Variants in GLG1 observed in about 807,000 individuals in gnomAD.
GLG1 encodes Golgi apparatus protein 1.
GLG1 carries 38 observed loss-of-function variants against 160.5 expected under a neutral mutation model. The ratio of observed to expected loss-of-function variants is 0.24; its 90% CI spans 0.18 to 0.31. The LOEUF is 0.31. GLG1 is among the 10% of genes least tolerant of loss of function. GLG1 has a pLI of 1.00. For synonymous variants in GLG1, 644 were observed against 543.4 expected (o/e 1.19, Z -2.57); for missense variants, 1,373 against 1,505.2 (o/e 0.91, Z 1.45).
At chr16:74,461,809 C>G (rs1196623850) in intron 22 of GLG1, 8 of 259,662 alleles carry the variant, frequency 3.1e-5, no homozygotes, top group Admixed American at 5.3e-5. Flanking sequence ...TTGGGTTTAC[C>G]ATCCAGAATA....
At chr16:74,505,315 A>C (rs939175330) in intron 3 of GLG1, among the ~76,000 whole-genome samples, 18 of 152,230 alleles carry the variant, frequency 1.2e-4, no homozygotes, top group African/African-American at 4.1e-4. Context: ...CAAACTTGGG[A>C]ATTTAGTAAA....
chr16:74,518,087 G>T (rs890517155), intron 2 of GLG1, among the ~76,000 whole-genome samples: 2 of 151,980 alleles, frequency 1.3e-5, no homozygotes, highest in African/African-American at 4.8e-5. Context: ...CATGCTCGTG[G>T]ATAGAAGAAT....
chr16:74,509,557 TA>T (rs554751400), intron 2 of GLG1, among the ~76,000 whole-genome samples: 2 of 151,262 alleles, frequency 1.3e-5, no homozygotes, highest in East Asian at 1.9e-4. Context: ...TTCATTCATT[TA>T]AAAAAAAATT....
chr16:74,485,899 C>G lies in GLG1; in HGVS notation c.1468G>C (p.Glu490Gln). 6.2e-7 allele frequency: 1 copy of G among 1,611,234 alleles called. No homozygotes were observed. The highest frequency in any genetic ancestry group is 1.3e-5 in the African/African-American group (1 of 74,916). The change falls in exon 9 of 26, where the codon GAG becomes CAG. Residue 490 changes from glutamate (E) to glutamine (Q), a missense_variant. Transcript: ENST00000422840. ...CGGTAATCTGCACCAGGGTCAGTCTCCTGAATCAGTGTTTGAAGCTGAATT... is the reference window on the plus strand; with the variant it reads ...CGGTAATCTGCACCAGGGTCAGTCTGCTGAATCAGTGTTTGAAGCTGAATT... Reference protein sequence around the residue: ...CQQALQTLIQETDPGADYRID... With the variant: ...CQQALQTLIQQTDPGADYRID...
chr16:74,579,590 C>T (rs1017323595), intron 1 of GLG1, among the ~76,000 whole-genome samples: 2 of 151,932 alleles, frequency 1.3e-5, no homozygotes, highest in African/African-American at 4.8e-5. Context: ...GGTGTAGTGG[C>T]ACACACCTGT....
chr16:74,490,648 G>T (rs2015948868), intron 8 of GLG1, among the ~76,000 whole-genome samples: 1 of 152,138 alleles, frequency 6.6e-6, no homozygotes, highest in Non-Finnish European at 1.5e-5. Flanking sequence ...ATTCTCTCTT[G>T]GTAGAGGGCC....
intron 1 of GLG1, among the ~76,000 whole-genome samples, chr16:74,565,123 G>C (rs1300154392): frequency 2.6e-5 from 4 of 152,128 alleles, no homozygotes; most frequent in African/African-American, 9.7e-5. Flanking sequence ...CAAATCACTG[G>C]ATGTCAGGAG....
chr16:74,526,701 G>A (rs2017345809), intron 2 of GLG1, among the ~76,000 whole-genome samples: 1 of 152,192 alleles, frequency 6.6e-6, no homozygotes, highest in Admixed American at 6.5e-5. Context: ...TCCAGCCTGC[G>A]TGACAGACCA....
Position 74,606,855 on chromosome 16 carries a change from TTGCTGCTGC to T in GLG1, c.231_239del (p.Gln82_Gln84del). ...GCGGCGGCTGAGGCTGCTGTTGCTG[TTGCTGCTGC>T]TGCTGTTGCTGCTGAAGCTGCGATG... On this transcript the variant is annotated inframe_deletion, in exon 1 of 26. Coordinates refer to ENST00000422840, the MANE Select transcript of GLG1 (RefSeq NM_001145667.2). The T allele has an allele frequency of 6.3e-7, 1 of 1,597,952 alleles. No homozygotes were observed.
intron 1 of GLG1, among the ~76,000 whole-genome samples, chr16:74,585,738 T>A (rs1010900813): frequency 2.0e-5 from 3 of 146,980 alleles, no homozygotes; most frequent in African/African-American, 7.5e-5. Flanking sequence ...GGCCTCTAAG[T>A]AAAATTATGA....
At chr16:74,564,213 C>A (rs1385107890) in intron 1 of GLG1, among the ~76,000 whole-genome samples, 1 of 152,208 alleles carries the variant, frequency 6.6e-6, no homozygotes, top group African/African-American at 2.4e-5. Context: ...AGCCATCATA[C>A]CAGGCCTTGC....
intron 7 of GLG1, among the ~76,000 whole-genome samples, chr16:74,491,678 AC>A (rs2015994343): frequency 6.5e-5 from 2 of 30,790 alleles, no homozygotes; most frequent in Non-Finnish European, 1.5e-4. Flanking sequence ...TCACTGTGTC[AC>A]CCAGGCTGGA....
intron 1 of GLG1, among the ~76,000 whole-genome samples, chr16:74,595,182 C>T (rs556651818): frequency 2.0e-4 from 30 of 148,960 alleles, no homozygotes; most frequent in Non-Finnish European, 3.1e-4. Flanking sequence ...AGCAAGAATC[C>T]GTCTCAAAAA....
chr16:74,575,246 A>C (rs1016656243), intron 1 of GLG1, among the ~76,000 whole-genome samples: 1 of 151,974 alleles, frequency 6.6e-6, no homozygotes, highest in Admixed American at 6.6e-5. Flanking sequence ...ACTCCATCTG[A>C]AAAAAAGAAC....
Position 74,490,852 on chromosome 16 carries a change from G to A in GLG1, c.1449+149C>T, listed in dbSNP as rs974854391. 13 of 618,536 alleles carry A rather than the reference G, an allele frequency of 2.1e-5. No homozygotes were observed. The African/African-American group carries it at 2.2e-4, about 11-fold the overall frequency. The allele number at this position is 618,536 out of a possible 1,614,324, so 38.3% of individuals were successfully genotyped here. On this transcript the variant is annotated intron_variant, in intron 8 of 25. Coordinates refer to ENST00000422840, the MANE Select transcript of GLG1 (RefSeq NM_001145667.2). ...ACATTCTTACTAAGATATGCCTGAA[G>A]AAGCAACGTTCAGTCTCTGATCATT... is the stretch of plus-strand genomic sequence containing the variant.
In GLG1 at chr16:74,464,660, A is replaced by T. The variant is rs373040108; in HGVS notation, c.2667+1016T>A. Among the ~76,000 whole-genome samples the T allele has an allele frequency of 3.9e-5, 6 of 152,276 alleles. 1 individual carries two copies. In the East Asian group the frequency reaches 7.7e-4, roughly 20 times the overall value. ...TTAGAAAATTTTCCAAAGCTCTCTC[A>T]CATCAGAGCCTGACATTTCCATTTT... On this transcript the variant is annotated intron_variant, in intron 19 of 25. Transcript: ENST00000422840.
At chr16:74,577,843 C>A (rs1487789071) in intron 1 of GLG1, among the ~76,000 whole-genome samples, 1 of 151,878 alleles carries the variant, frequency 6.6e-6, no homozygotes, top group Non-Finnish European at 1.5e-5. Flanking sequence ...TCTCAAATTC[C>A]TGAGCTCAAG....
intron 2 of GLG1, among the ~76,000 whole-genome samples, chr16:74,520,582 G>C (rs1393368277): frequency 1.3e-5 from 2 of 152,114 alleles, no homozygotes; most frequent in South Asian, 4.1e-4. Context: ...GTTGCAGTGA[G>C]CCAAGATCAC....
intron 1 of GLG1, among the ~76,000 whole-genome samples, chr16:74,595,471 A>G (rs1597382981): frequency 6.6e-6 from 1 of 152,262 alleles, no homozygotes. Flanking sequence ...CAGGAGGCAG[A>G]GCTTGCAGTG....
Sources: gnomAD v4.1 joint callset for allele counts (sites outside exome capture counted in the v4.1 genomes callset) on GRCh38, gnomAD v4.1.1 for gene constraint, MANE v1.5 for transcripts, NCBI Gene and HGNC (gene_info 2026-07-23, HGNC 2026-07-21) for gene names.